F5: variants seen among roughly 807,000 people sequenced by gnomAD.
The protein encoded by F5 is coagulation factor V, also known as activated protein c cofactor.
In F5, 138 loss-of-function variants were observed where a neutral mutation model predicts 216.4. That is an observed-to-expected ratio of 0.64 (90% CI 0.56 to 0.73). The LOEUF (loss-of-function observed/expected upper bound fraction) is 0.73, where lower values mean the gene tolerates loss of function less well. Among genes scored for constraint, F5 ranks in the 30% least tolerant of loss-of-function variants. F5 has a pLI of 0.00. For synonymous variants in F5, 916 were observed against 930.7 expected, an observed-to-expected ratio of 0.98 and a Z score of 0.29; for missense variants, 2,403 against 2,674.0, an observed-to-expected ratio of 0.90 and a Z score of 2.24.
At chr1:169,527,585 G>T (rs917719120) in intron 17 of F5, among the ~76,000 whole-genome samples, 5 of 152,132 alleles carry the variant, frequency 3.3e-5, no homozygotes, top group African/African-American at 1.2e-4. Context: ...GATAGCTGTA[G>T]CTGCCTGAGC....
rs6427196 is a variant in F5, at chr1:169,511,985, C to G, written c.*2328G>C. On this transcript the variant is annotated 3_prime_UTR_variant, in exon 25 of 25. Coordinates refer to ENST00000367797, the MANE Select transcript of F5 (RefSeq NM_000130.5). ...GGGTATCTTTTTTATTTCAAAATAA[C>G]AGGGGTTTTAATATTTCTACACAGC... Among the ~76,000 whole-genome samples the G allele has an allele frequency of 0.91, 137,931 of 152,052 alleles. 62,765 individuals carry two copies. Among genetic ancestry groups the G allele is most frequent in the East Asian group, 1 (5,164 of 5,166 alleles).
At chr1:169,553,765 T>C (rs750294153) in intron 7 of F5, among the ~76,000 whole-genome samples, 2 of 151,866 alleles carry the variant, frequency 1.3e-5, no homozygotes, top group Non-Finnish European at 2.9e-5. Context: ...CTCATGCCAG[T>C]CAGAATGGCG....
At chr1:169,550,299 C>CCCCG (rs1553221195) in intron 9 of F5, among the ~76,000 whole-genome samples, 2 of 121,526 alleles carry the variant, frequency 1.6e-5, no homozygotes, top group Non-Finnish European at 3.6e-5. Flanking sequence ...CCCCCCCCCC[C>CCCCG]CGACAGGCCC....
chr1:169,559,325 G>C, intron 4 of F5, 29 bp from the exon 5 acceptor site: 1 of 1,612,494 alleles, frequency 6.2e-7, no homozygotes, highest in Non-Finnish European at 8.5e-7. Flanking sequence ...GTTTTCAGTA[G>C]CACTGCAGAT....
At chr1:169,574,392 G>A (rs886386792) in intron 2 of F5, among the ~76,000 whole-genome samples, 2 of 152,184 alleles carry the variant, frequency 1.3e-5, no homozygotes, top group African/African-American at 2.4e-5. Flanking sequence ...TGATCTTGAT[G>A]TCTTTGAAAT....
chr1:169,577,602 T>TATAC (rs1660892223), intron 2 of F5, among the ~76,000 whole-genome samples: 1 of 105,990 alleles, frequency 9.4e-6, no homozygotes, highest in African/African-American at 4.5e-5. Flanking sequence ...TATATATATA[T>TATAC]ATGTATGTAT....
In F5 at chr1:169,552,615, A is replaced by AT. The variant is rs766074978; in HGVS notation, c.1237dup (p.Met413AsnfsTer32). On this transcript the variant is annotated frameshift_variant, in exon 8 of 25. Transcript: ENST00000367797. LOFTEE classifies it high-confidence loss of function. ...AGGACCCAAAATCCCATCTTCTTTC[A>AT]TATTGGGATTCACTGTATGTTTGGT... 6.2e-7 allele frequency: 1 copy of AT among 1,613,598 alleles called. No individual in the cohort carries two copies. The highest frequency in any genetic ancestry group is 8.5e-7 in the Non-Finnish European group (1 of 1,179,760).
In F5 at chr1:169,513,615, A is replaced by G. The variant is rs1659085740; in HGVS notation, c.*698T>C. Among the ~76,000 whole-genome samples the G allele has an allele frequency of 6.6e-6, 1 of 152,128 alleles. No homozygotes were observed. The highest frequency in any genetic ancestry group is 1.5e-5 in the Non-Finnish European group (1 of 68,002). Reference sequence around the variant, plus strand: ...AAATTATGTTTTGAAACTGTGTGCCATGTAGTACCAGCTAGAATAAAGCCA... The same window carrying G: ...AAATTATGTTTTGAAACTGTGTGCCGTGTAGTACCAGCTAGAATAAAGCCA... On this transcript the variant is annotated 3_prime_UTR_variant, in exon 25 of 25. Transcript: ENST00000367797.
chr1:169,520,133 G>C (rs934861969), intron 22 of F5, among the ~76,000 whole-genome samples: 9 of 152,314 alleles, frequency 5.9e-5, no homozygotes, highest in African/African-American at 2.2e-4. Context: ...ATATGGCAGT[G>C]ATGTTGCCAG....
chr1:169,514,228 T>G lies in F5; in HGVS notation c.*85A>C. ...GAGAAATAGTGGAAAACTGTTAACA[T>G]TTAACACAGCGTAAAATACATTGCC... is the stretch of plus-strand genomic sequence containing the variant. On this transcript the variant is annotated 3_prime_UTR_variant, in exon 25 of 25. Coordinates refer to ENST00000367797, the MANE Select transcript of F5 (RefSeq NM_000130.5). The G allele has an allele frequency of 7.3e-7, 1 of 1,377,322 alleles. No individual in the cohort carries two copies. Among genetic ancestry groups the G allele is most frequent in the Non-Finnish European group, 1.0e-6 (1 of 967,670 alleles). 85.3% of individuals were successfully genotyped at this position (1,377,322 alleles called of 1,614,324 possible). A position where few individuals can be genotyped will look rare whatever the true frequency, so the allele number is the denominator to read the frequency against.
At position 169,528,017 on chromosome 1, in the gene F5, T is replaced by C. The variant is rs144977031; in HGVS notation, c.5497A>G (p.Ile1833Val). 3 of 1,613,954 alleles carry C rather than the reference T, an allele frequency of 1.9e-6. No individual in the cohort carries two copies. Among genetic ancestry groups the C allele is most frequent in the Non-Finnish European group, 2.5e-6 (3 of 1,179,880 alleles). ...QEWVRLHLLN[I>V]GGSQDIHVVH... Reference sequence around the variant, plus strand: ...ACGTGAATGTCTTGGGAGCCGCCTATGTTCAGCAGGTGTAACCTCACCCAC... The same window carrying C: ...ACGTGAATGTCTTGGGAGCCGCCTACGTTCAGCAGGTGTAACCTCACCCAC... The change falls in exon 17 of 25, where the codon ATA becomes GTA. Residue 1833 changes from isoleucine (I) to valine (V), a missense_variant. By Grantham distance (29) the Ile-to-Val change is conservative. Coordinates refer to ENST00000367797, the MANE Select transcript of F5 (RefSeq NM_000130.5).
Position 169,540,548 on chromosome 1 carries a change from G to A in F5, c.4542C>T (p.Gly1514=), listed in dbSNP as rs1206412753. ...SKEFNPLVIV[G]LSKDGTDYIE... ...TGTAATCTGTACCATCTTTACTGAG[G>A]CCCACTATAACCAGTGGATTAAATT... Residue 1514 remains glycine (G), a synonymous_variant, in exon 13 of 25, where the codon GGC becomes GGT. Transcript: ENST00000367797. 3.1e-6 allele frequency: 5 copies of A among 1,613,800 alleles called. No individual in the cohort carries two copies. The African/African-American group carries it at 5.3e-5, about 17-fold the overall frequency.
intron 21 of F5, 147 bp downstream of exon 21, chr1:169,523,050 C>T (rs1659348645): frequency 1.2e-6 from 1 of 852,156 alleles, no homozygotes; most frequent in East Asian, 2.6e-5. Flanking sequence ...CATATTACTG[C>T]TTTTCTCCAT....
intron 1 of F5, 33 bp from the exon 2 acceptor site, chr1:169,582,555 G>C: frequency 8.3e-7 from 1 of 1,206,372 alleles, no homozygotes; most frequent in Non-Finnish European, 1.2e-6. Context: ...AATTTGAAAG[G>C]CATATTCAAT....
At chr1:169,572,686 G>C (rs114916178) in intron 2 of F5, among the ~76,000 whole-genome samples, 153 of 152,272 alleles carry the variant, frequency 1.0e-3, no homozygotes, top group African/African-American at 3.5e-3. Context: ...CAATTACAGA[G>C]GGTGATGCGA....
intron 3 of F5, among the ~76,000 whole-genome samples, chr1:169,563,850 A>G (rs1571592808): frequency 7.2e-6 from 1 of 138,502 alleles, no homozygotes; most frequent in East Asian, 2.1e-4. Context: ...TGCTGCTTCT[A>G]TTCTCTCTTT....
chr1:169,554,634 T>C (rs1396071787), intron 7 of F5, among the ~76,000 whole-genome samples: 2 of 152,256 alleles, frequency 1.3e-5, no homozygotes, highest in African/African-American at 4.8e-5. Flanking sequence ...CAAGTTATTC[T>C]TCAGAATCCT....
In F5 at chr1:169,544,757, T is replaced by C. The variant is rs753101017; in HGVS notation, c.1763-249A>G. Among the ~76,000 whole-genome samples, 23 of 152,346 alleles carry C rather than the reference T, an allele frequency of 1.5e-4. No individual in the cohort carries two copies. In the South Asian group the frequency reaches 2.1e-3, roughly 14 times the overall value. ...AGATAAAGCCTTCCATTTACATTGA[T>C]TTAGTCATTCATCAAATGTATAGTA... On this transcript the variant is annotated intron_variant, in intron 11 of 24. Coordinates refer to ENST00000367797, the MANE Select transcript of F5 (RefSeq NM_000130.5).
chr1:169,578,575 GC>G (rs1417497730), intron 2 of F5, among the ~76,000 whole-genome samples: 4 of 152,102 alleles, frequency 2.6e-5, no homozygotes, highest in Admixed American at 6.5e-5. Flanking sequence ...TCAAATACCG[GC>G]CCCAATCCTC....
Sources: allele counts gnomAD v4.1 joint callset (sites outside exome capture counted in the v4.1 genomes callset), GRCh38; gene constraint gnomAD v4.1.1; transcripts MANE v1.5; gene names NCBI Gene and HGNC (gene_info 2026-07-23, HGNC 2026-07-21).